The following PPL variants were observed in gnomAD, a reference collection of about 807,000 sequenced individuals.
PPL encodes the protein 190 kDa paraneoplastic pemphigus antigen.
PPL carries 198 observed loss-of-function variants against 194.4 expected under a neutral mutation model. The ratio of observed to expected loss-of-function variants is 1.02; its 90% confidence interval spans 0.91 to 1.15. The LOEUF (loss-of-function observed/expected upper bound fraction) is 1.15, where lower values mean the gene tolerates loss of function less well. Among genes scored for constraint, PPL ranks in the 50% most tolerant of loss-of-function variants. The pLI is 0.00. For synonymous variants in PPL, 1,220 were observed against 972.4 expected (o/e 1.25, Z -4.74); for missense variants, 2,885 against 2,294.8 (o/e 1.26, Z -5.25).
At chr16:4,890,370 A>G (rs1432698937) in intron 17 of PPL, 36 bp from the exon 18 acceptor site, 1 of 1,554,892 alleles carries the variant, frequency 6.4e-7, no homozygotes, top group African/African-American at 1.4e-5. Flanking sequence ...CAGCCACAGC[A>G]AACAGATGCC....
intron 1 of PPL, among the ~76,000 whole-genome samples, chr16:4,930,548 C>T (rs2089213501): frequency 6.6e-6 from 1 of 152,202 alleles, no homozygotes; most frequent in Non-Finnish European, 1.5e-5. Flanking sequence ...TTCATTCATT[C>T]ATTCAGCACG....
chr16:4,903,864 G>A, intron 3 of PPL, 22 bp downstream of exon 3: 1 of 1,612,828 alleles, frequency 6.2e-7, no homozygotes, highest in Non-Finnish European at 8.5e-7. Flanking sequence ...CTCCCCTGGG[G>A]TAAGAAGCAG....
chr16:4,934,043 G>A (rs2089260235), intron 1 of PPL, among the ~76,000 whole-genome samples: 2 of 152,244 alleles, frequency 1.3e-5, no homozygotes, highest in African/African-American at 4.8e-5. Context: ...CAGGCTCAGA[G>A]AAGCCAAGCA....
chr16:4,921,168 T>A (rs2089042455), intron 1 of PPL, among the ~76,000 whole-genome samples: 1 of 152,238 alleles, frequency 6.6e-6, no homozygotes, highest in Non-Finnish European at 1.5e-5. Flanking sequence ...CCCCATTTTC[T>A]TGGCCTGGTC....
rs372808912 is a variant in PPL, at chr16:4,884,475, G to T, written c.4180C>A (p.Arg1394Ser). Residue 1394 changes from arginine to serine, a missense_variant, in exon 22 of 22, where the codon CGC becomes AGC. Physicochemically the swap from Arg to Ser is moderately radical, Grantham distance 110 (BLOSUM62 -1). Coordinates refer to ENST00000345988, the MANE Select transcript of PPL (RefSeq NM_002705.5). The surrounding 1 kb of genome is among the most constrained non-coding windows in gnomAD (Gnocchi z 5.7). ...TGCCGCTCAAGCTCGGTGCGCCGGC[G>T]CTGCAGCCGCCGCAGCTCTGCCCGC... is the stretch of plus-strand genomic sequence containing the variant. ...KLRAELRRLQ[R>S]RRTELERQLE... is the part of the protein sequence containing the mutation. 3.1e-6 allele frequency: 5 copies of T among 1,602,894 alleles called. No homozygotes were observed. In the Middle Eastern group the frequency reaches 6.6e-4, roughly 213 times the overall value.
chr16:4,901,197 C>T (rs539811406), intron 4 of PPL, 108 bp from the exon 5 acceptor site: 23 of 1,270,532 alleles, frequency 1.8e-5, no homozygotes, highest in South Asian at 2.9e-5. Context: ...CTCTTTTTCA[C>T]GGGGCCCTGC....
chr16:4,884,650 C>G lies in PPL; in HGVS notation c.4005G>C (p.Gln1335His). Reference protein sequence around the residue: ...LERERASQEEQIARKEEELSR... With the variant: ...LERERASQEEHIARKEEELSR... ...AGAGCTCCTCCTCTTTCCGGGCGAT[C>G]TGCTCTTCCTGGGAAGCTCTTTCCC... Residue 1335 changes from glutamine (Q) to histidine (H), a missense_variant, in exon 22 of 22, where the codon CAG becomes CAC. Coordinates refer to ENST00000345988, the MANE Select transcript of PPL (RefSeq NM_002705.5). This position sits in a 1 kb window ranked among gnomAD's most constrained non-coding sequence, Gnocchi z 5.7. 2 of 1,614,192 alleles carry G rather than the reference C, an allele frequency of 1.2e-6. No homozygotes were observed. The highest frequency in any genetic ancestry group is 2.2e-5 in the East Asian group (1 of 44,866).
rs762272053 is a variant in PPL, at chr16:4,885,119, C to T, written c.3536G>A (p.Arg1179Gln). 38 of 1,613,776 alleles carry T rather than the reference C, an allele frequency of 2.4e-5. 1 individual carries two copies. The Admixed American group carries it at 3.0e-4, about 13-fold the overall frequency. Residue 1179 changes from arginine to glutamine, a missense_variant, in exon 22 of 22, where the codon CGG becomes CAG. Coordinates refer to ENST00000345988, the MANE Select transcript of PPL (RefSeq NM_002705.5). The surrounding 1 kb of genome is among the most constrained non-coding windows in gnomAD (Gnocchi z 6.3). ...TTCACTTTCCGCCTTGGGGTCTGGC[C>T]GCACGATCTCCCGCACCTTCTCCTG... ...VVQEKVREIV[R>Q]PDPKAESEVA... is the part of the protein sequence containing the mutation.
chr16:4,887,218 G>A lies in PPL; in HGVS notation c.2524C>T (p.Leu842Phe). The A allele has an allele frequency of 6.2e-7, 1 of 1,613,826 alleles. No individual in the cohort carries two copies. Among genetic ancestry groups the A allele is most frequent in the South Asian group, 1.1e-5 (1 of 91,082 alleles). The change falls in exon 21 of 22, where the codon CTT becomes TTT. Residue 842 changes from leucine (L) to phenylalanine (F), a missense_variant. Leu to Phe is a conservative substitution (Grantham distance 22, BLOSUM62 0). Transcript: ENST00000345988. ...TAAACTTCAGTGAACTTGGCGGCAA[G>A]TGCTGCTTCCTGCAGAGAAGAGGAT... The part of the protein sequence containing the change: ...ATKVKEEEAA[L>F]AAKFTEVYAI...
intron 1 of PPL, among the ~76,000 whole-genome samples, chr16:4,934,652 G>A (rs1041065815): frequency 1.3e-5 from 2 of 151,972 alleles, no homozygotes; most frequent in Admixed American, 6.6e-5. Flanking sequence ...ACAATGGAGC[G>A]GGCCCCTGGA....
Position 4,893,381 on chromosome 16 carries a change from A to T in PPL, c.1493-11T>A. The T allele has an allele frequency of 6.2e-7, 1 of 1,604,410 alleles. No homozygotes were observed. Among genetic ancestry groups the T allele is most frequent in the East Asian group, 2.2e-5 (1 of 44,836 alleles). On this transcript the variant is annotated splice_polypyrimidine_tract_variant and intron_variant, in intron 13 of 21. Transcript: ENST00000345988. ...GTAGGTCAGAGGCATCTGTGGAGGG[A>T]GGGAGGACACAGGCAGGTGTGACAA...
intron 9 of PPL, among the ~76,000 whole-genome samples, chr16:4,896,152 C>A (rs2088423224): frequency 6.6e-6 from 1 of 152,190 alleles, no homozygotes; most frequent in Non-Finnish European, 1.5e-5. Flanking sequence ...TCACTGTCAG[C>A]TATCCCCTGG....
rs1435912711 is a variant in PPL at position 4,885,828 on chromosome 16, C to G, written c.2827G>C (p.Asp943His). 3 of 1,608,072 alleles carry G rather than the reference C, an allele frequency of 1.9e-6. No homozygotes were observed. In the South Asian group the frequency reaches 3.3e-5, roughly 18 times the overall value. Reference sequence around the variant, plus strand: ...TGGAAGCTCTCCTCCAGCACGGGATCCGGCACCTTCTTGAGCACCTCCTTC... The same window carrying G: ...TGGAAGCTCTCCTCCAGCACGGGATGCGGCACCTTCTTGAGCACCTCCTTC... ...VRKEVLKKVP[D>H]PVLEESFQQL... is the part of the protein sequence containing the mutation. Residue 943 changes from aspartate (D) to histidine (H), a missense_variant, in exon 22 of 22, where the codon GAT becomes CAT. Coordinates refer to ENST00000345988, the MANE Select transcript of PPL (RefSeq NM_002705.5). This position sits in a 1 kb window ranked among gnomAD's most constrained non-coding sequence, Gnocchi z 6.3.
At position 4,937,056 on chromosome 16, in the gene PPL, G is replaced by T. The variant is rs767483295; in HGVS notation, c.-11C>A. 3.5e-6 allele frequency: 5 copies of T among 1,429,076 alleles called. No homozygotes were observed. In the African/African-American group the frequency reaches 7.3e-5, roughly 21 times the overall value. The allele number at this position is 1,429,076 out of a possible 1,614,324, so 88.5% of individuals were successfully genotyped here. A position where few individuals can be genotyped will look rare whatever the true frequency, so the allele number is the denominator to read the frequency against. ...GAAGAGCGAGTTCATGGTGGCGCTC[G>T]GGGTGCGGGCGGCGGCGGCTGGCGG... On this transcript the variant is annotated 5_prime_UTR_variant, in exon 1 of 22. Transcript: ENST00000345988.
rs1596576047 is a variant in PPL, at chr16:4,916,868, GC to G, written c.63-5920del. Among the ~76,000 whole-genome samples the G allele has an allele frequency of 2.6e-5, 4 of 151,880 alleles. No homozygotes were observed. In the East Asian group the frequency reaches 7.8e-4, roughly 30 times the overall value. On this transcript the variant is annotated intron_variant, in intron 1 of 21. Coordinates refer to ENST00000345988, the MANE Select transcript of PPL (RefSeq NM_002705.5). ...GTCTGGGCTGGATGCGGTGACTCACGCCTGCAATCCCAGCACTTTGGGAGGC... is the reference window on the plus strand; with the variant it reads ...GTCTGGGCTGGATGCGGTGACTCACGCTGCAATCCCAGCACTTTGGGAGGC...
At position 4,885,975 on chromosome 16, in the gene PPL, T is replaced by TCCA. The variant is rs145591196; in HGVS notation, c.2677_2679dup (p.Trp893dup). The TCCA allele has an allele frequency of 1.8e-3, 2,941 of 1,613,896 alleles. 52 individuals are homozygous for TCCA. The African/African-American group carries it at 0.035, about 19-fold the overall frequency. ...TCCTCATCCAGTTCCTTCCTGATCTTCCACGCCTCCTCCACTCCAGAGTCC... is the reference window on the plus strand; with the variant it reads ...TCCTCATCCAGTTCCTTCCTGATCTTCCACCACGCCTCCTCCACTCCAGAGTCC... On this transcript the variant is annotated inframe_insertion, in exon 22 of 22. Coordinates refer to ENST00000345988, the MANE Select transcript of PPL (RefSeq NM_002705.5). This position sits in a 1 kb window ranked among gnomAD's most constrained non-coding sequence, Gnocchi z 6.3.
Position 4,900,857 on chromosome 16 carries a change from T to C in PPL, c.579A>G (p.Glu193=). The change falls in exon 6 of 22, where the codon GAA becomes GAG. Residue 193 remains glutamate (E), a synonymous_variant. Coordinates refer to ENST00000345988, the MANE Select transcript of PPL (RefSeq NM_002705.5). ...AKDGDKEQNS[E]LRAKYQKLLA... ...GCAGTTTCTGGTACTTGGCCCGGAG[T>C]TCGCTGTTCTGCTCCTGAGGACAGA... 8.7e-6 allele frequency: 14 copies of C among 1,614,056 alleles called. 1 individual carries two copies. The highest frequency in any genetic ancestry group is 2.2e-5 in the South Asian group (2 of 91,080).
At chr16:4,897,579 A>G (rs868576131) in intron 9 of PPL, 96 bp downstream of exon 9, 1 of 949,510 alleles carries the variant, frequency 1.1e-6, no homozygotes, top group African/African-American at 1.6e-5. Context: ...CTCCTGGACC[A>G]AGGAGCACGA....
intron 1 of PPL, among the ~76,000 whole-genome samples, chr16:4,934,087 A>G (rs1239060655): frequency 1.3e-5 from 2 of 152,202 alleles, no homozygotes; most frequent in Admixed American, 1.3e-4. Context: ...GGAGGGTGGC[A>G]GCGGGTCTCC....
Sources: gnomAD v4.1 joint callset for allele counts (sites outside exome capture counted in the v4.1 genomes callset) on GRCh38, gnomAD v4.1.1 for gene constraint, Gnocchi (gnomAD v3.1) non-coding constraint, MANE v1.5 for transcripts, NCBI Gene and HGNC (gene_info 2026-07-23, HGNC 2026-07-21) for gene names.